GNPTAB: variants seen among roughly 807,000 people sequenced by gnomAD.
GNPTAB encodes the protein N-acetylglucosamine-1-phosphotransferase subunits alpha/beta.
A neutral mutation model predicts 136.6 loss-of-function variants in GNPTAB; 92 were observed. That is an observed-to-expected ratio of 0.67 (90% CI 0.57 to 0.80). The LOEUF (loss-of-function observed/expected upper bound fraction) is 0.80. GNPTAB is among the 30% of genes least tolerant of loss of function. The pLI is 0.00. For missense variants in GNPTAB, 1,343 were observed against 1,501.8 expected, an observed-to-expected ratio of 0.89 and a Z score of 1.75; for synonymous variants, 512 against 535.1, an observed-to-expected ratio of 0.96 and a Z score of 0.60.
chr12:101,763,538 G>A (rs1261546334), intron 13 of GNPTAB, among the ~76,000 whole-genome samples: 1 of 152,062 alleles, frequency 6.6e-6, no homozygotes, highest in African/African-American at 2.4e-5. Flanking sequence ...GTACTTCTAG[G>A]CAGAGCTAAG....
chr12:101,830,472 A>G (rs557816176), intron 1 of GNPTAB, 87 bp downstream of exon 1: 12 of 758,132 alleles, frequency 1.6e-5, no homozygotes, highest in Middle Eastern at 2.3e-4. Context: ...TAATGAAAAA[A>G]TACATACTGT....
intron 7 of GNPTAB, among the ~76,000 whole-genome samples, chr12:101,771,906 AAT>A (rs1953182017): frequency 6.6e-6 from 1 of 152,242 alleles, no homozygotes; most frequent in African/African-American, 2.4e-5. Context: ...AAAAATCTGC[AAT>A]GTAATTAACC....
At chr12:101,823,021 CCCTTTCT>C (rs1282440319) in intron 1 of GNPTAB, among the ~76,000 whole-genome samples, 1 of 152,056 alleles carries the variant, frequency 6.6e-6, no homozygotes, top group Non-Finnish European at 1.5e-5. Context: ...TAAAAGTAAC[CCCTTTCT>C]CCTTTCAAGA....
At position 101,764,594 on chromosome 12, in the gene GNPTAB, A is replaced by T; in HGVS notation, c.2323T>A (p.Leu775Met). The change falls in exon 13 of 21, where the codon TTG becomes ATG. Residue 775 changes from leucine (L) to methionine (M), a missense_variant. Leu to Met is a conservative substitution (Grantham distance 15). Transcript: ENST00000299314. ...PQEKQVHKSILPNSLGVSERL... is the reference protein window; with the variant it reads ...PQEKQVHKSIMPNSLGVSERL... ...TCAGACACTCCTAAGCTGTTTGGCA[A>T]GATGCTTTTATGAACCTGTTTTTCC... The T allele has an allele frequency of 6.2e-7, 1 of 1,614,100 alleles. No individual in the cohort carries two copies. Among genetic ancestry groups the T allele is most frequent in the Non-Finnish European group, 8.5e-7 (1 of 1,180,012 alleles).
At chr12:101,787,794 T>C (rs1194757110) in intron 4 of GNPTAB, among the ~76,000 whole-genome samples, 1 of 151,372 alleles carries the variant, frequency 6.6e-6, no homozygotes, top group East Asian at 1.9e-4. Flanking sequence ...ATGCCTATAA[T>C]CCTAGCTACT....
rs182077260 is a variant in GNPTAB, at chr12:101,762,524, G to A, written c.2716-761C>T. On this transcript the variant is annotated intron_variant, in intron 13 of 20. Coordinates refer to ENST00000299314, the MANE Select transcript of GNPTAB (RefSeq NM_024312.5). The stretch of plus-strand genomic sequence containing the variant: ...TGAAATGTAAGATATATGTACAAGA[G>A]AATTCACTGCAACACTATTTGTAAT... 0.025 allele frequency among the ~76,000 whole-genome samples: 3,862 copies of A among 152,174 alleles called. 338 individuals are homozygous for A. In the East Asian group the frequency reaches 0.31, roughly 12 times the overall value.
chr12:101,812,830 G>A (rs1310230502), intron 1 of GNPTAB, among the ~76,000 whole-genome samples: 1 of 152,044 alleles, frequency 6.6e-6, no homozygotes, highest in Non-Finnish European at 1.5e-5. Flanking sequence ...GTAGAGATGG[G>A]GTCTTACTAT....
chr12:101,783,208 G>A (rs576283880), intron 5 of GNPTAB, among the ~76,000 whole-genome samples: 2 of 151,794 alleles, frequency 1.3e-5, no homozygotes, highest in Admixed American at 6.6e-5. Context: ...ACAGTACCTG[G>A]CACACAGCAG....
At chr12:101,829,588 A>C (rs1871263969) in intron 1 of GNPTAB, among the ~76,000 whole-genome samples, 1 of 152,092 alleles carries the variant, frequency 6.6e-6, no homozygotes, top group African/African-American at 2.4e-5. Context: ...AATCAAGGCC[A>C]AAAAAATCAC....
At chr12:101,813,430 G>C (rs1412082441) in intron 1 of GNPTAB, among the ~76,000 whole-genome samples, 1 of 152,078 alleles carries the variant, frequency 6.6e-6, no homozygotes, top group East Asian at 1.9e-4. Context: ...GCTACATTTA[G>C]GGACATATAT....
At chr12:101,749,822 G>A (rs1018995430) in intron 19 of GNPTAB, among the ~76,000 whole-genome samples, 17 of 152,192 alleles carry the variant, frequency 1.1e-4, no homozygotes, top group African/African-American at 3.9e-4. Context: ...GAATCCATGC[G>A]GCAGCATGGG....
At chr12:101,755,332 G>A (rs1455426034) in intron 18 of GNPTAB, among the ~76,000 whole-genome samples, 1 of 152,092 alleles carries the variant, frequency 6.6e-6, no homozygotes, top group African/African-American at 2.4e-5. Flanking sequence ...ACAAGTGAGG[G>A]GTATGTGAAA....
At chr12:101,808,206 T>C (rs1870033317) in intron 1 of GNPTAB, among the ~76,000 whole-genome samples, 1 of 152,088 alleles carries the variant, frequency 6.6e-6, no homozygotes, top group Non-Finnish European at 1.5e-5. Flanking sequence ...ATCTACAGAT[T>C]CAATGCAAAC....
chr12:101,812,692 G>A (rs1176209336), intron 1 of GNPTAB, among the ~76,000 whole-genome samples: 2 of 152,180 alleles, frequency 1.3e-5, no homozygotes, highest in Non-Finnish European at 2.9e-5. Context: ...CCAGGAGGCT[G>A]AGGCTGCAGT....
intron 10 of GNPTAB, 43 bp from the exon 11 acceptor site, chr12:101,768,203 T>C: frequency 6.2e-7 from 1 of 1,602,652 alleles, no homozygotes. Context: ...TTCTGGCTTC[T>C]GATACATTTT....
intron 16 of GNPTAB, among the ~76,000 whole-genome samples, chr12:101,759,383 G>A (rs894328550): frequency 5.0e-3 from 423 of 84,034 alleles, no homozygotes; most frequent in Admixed American, 5.9e-3. Context: ...AAAAAAAAAA[G>A]ATTACTTTGT....
rs561782592 is a variant in GNPTAB, at chr12:101,762,713, A to C, written c.2716-950T>G. On this transcript the variant is annotated intron_variant, in intron 13 of 20. Coordinates refer to ENST00000299314, the MANE Select transcript of GNPTAB (RefSeq NM_024312.5). ...ATTTACACTATACATATATTTCTCT[A>C]TATATAACTATACATACATATAGGT... 3.7e-4 allele frequency among the ~76,000 whole-genome samples: 56 copies of C among 152,284 alleles called. 1 individual carries two copies. The South Asian group carries it at 0.011, about 29-fold the overall frequency.
At chr12:101,751,349 C>T (rs1195124858) in intron 19 of GNPTAB, among the ~76,000 whole-genome samples, 1 of 152,188 alleles carries the variant, frequency 6.6e-6, no homozygotes, top group Non-Finnish European at 1.5e-5. Flanking sequence ...TATTGCCGCC[C>T]TCAATATACT....
chr12:101,752,935 G>T (rs1161952117), intron 19 of GNPTAB, among the ~76,000 whole-genome samples: 1 of 152,068 alleles, frequency 6.6e-6, no homozygotes, highest in East Asian at 1.9e-4. Context: ...ATTTTACAAA[G>T]AAATTAAAGA....
Sources: allele counts gnomAD v4.1 joint callset (sites outside exome capture counted in the v4.1 genomes callset), GRCh38; gene constraint gnomAD v4.1.1; transcripts MANE v1.5; gene names NCBI Gene and HGNC (gene_info 2026-07-23, HGNC 2026-07-21).